LTBP1: variants seen among roughly 807,000 people sequenced by gnomAD.
LTBP1 encodes latent-transforming growth factor beta-binding protein 1.
Under a neutral mutation model 207.6 loss-of-function variants are expected in LTBP1, and 129 were observed. The ratio of observed to expected loss-of-function variants is 0.62; its 90% confidence interval spans 0.54 to 0.72. The LOEUF (loss-of-function observed/expected upper bound fraction) is 0.72. Among genes scored for constraint, LTBP1 ranks in the 30% least tolerant of loss-of-function variants. LTBP1 has a pLI of 0.00. For synonymous variants in LTBP1, 963 were observed against 833.7 expected (o/e 1.16, Z -2.67); for missense variants, 2,281 against 2,217.2 (o/e 1.03, Z -0.58).
intron 4 of LTBP1, among the ~76,000 whole-genome samples, chr2:33,128,702 A>G (rs2081588275): frequency 1.3e-5 from 2 of 152,230 alleles, no homozygotes; most frequent in Admixed American, 6.5e-5. Flanking sequence ...TGAACCCTCA[A>G]CAAGTATGGC....
chr2:33,264,663 A>G (rs1278592628), intron 15 of LTBP1, among the ~76,000 whole-genome samples: 1 of 152,242 alleles, frequency 6.6e-6, no homozygotes, highest in Non-Finnish European at 1.5e-5. Flanking sequence ...AAAGAAAGGC[A>G]AACTAACCTA....
At chr2:33,128,074 G>A (rs551397639) in intron 4 of LTBP1, among the ~76,000 whole-genome samples, 2 of 152,226 alleles carry the variant, frequency 1.3e-5, no homozygotes, top group South Asian at 2.1e-4. Context: ...TGGGACCCTC[G>A]AGAGGAATGG....
chr2:33,018,223 T>TA (rs201226617), intron 2 of LTBP1, among the ~76,000 whole-genome samples: 2 of 150,042 alleles, frequency 1.3e-5, no homozygotes, highest in South Asian at 4.3e-4. Context: ...TTTGAAGAGT[T>TA]AAAAAAAAAT....
rs533315717 is a variant in LTBP1, at chr2:33,122,444, G to A, written c.1033+11693G>A. On this transcript the variant is annotated intron_variant, in intron 4 of 33. Transcript: ENST00000404816. ...TTCTGGCCACAGTGGACTGGAAAGC[G>A]GGTGGGCAGTTGACTCAAAACCAAT... 3.9e-5 allele frequency among the ~76,000 whole-genome samples: 6 copies of A among 152,304 alleles called. No individual in the cohort carries two copies. The South Asian group carries it at 8.3e-4, about 21-fold the overall frequency.
At chr2:33,254,852 G>GTTTTTTTTTTTTTTTTTTTTTTTTTT (rs70938393) in intron 11 of LTBP1, among the ~76,000 whole-genome samples, 1 of 10,364 alleles carries the variant, frequency 9.6e-5, no homozygotes, top group Non-Finnish European at 1.5e-4. Flanking sequence ...GCGGTGTTTG[G>GTTTTTTTTTTTTTTTTTTTTTTTTTT]TTTTTTTTTT....
chr2:32,994,706 A>T (rs560528314), intron 2 of LTBP1, among the ~76,000 whole-genome samples: 1 of 152,052 alleles, frequency 6.6e-6, no homozygotes, highest in African/African-American at 2.4e-5. Flanking sequence ...ACCTCAGATG[A>T]TCCACCCACC....
Position 33,136,318 on chromosome 2 carries a change from C to A in LTBP1, c.1201+1358C>A, listed in dbSNP as rs542306737. ...GATGATCAGGAAACTGGATTCTGGTCCCGGTCCTGCCACTAACTAGCTAAT... is the reference window on the plus strand; with the variant it reads ...GATGATCAGGAAACTGGATTCTGGTACCGGTCCTGCCACTAACTAGCTAAT... On this transcript the variant is annotated intron_variant, in intron 5 of 33. Coordinates refer to ENST00000404816, the MANE Select transcript of LTBP1 (RefSeq NM_206943.4). Among the ~76,000 whole-genome samples the A allele has an allele frequency of 7.2e-5, 11 of 152,296 alleles. No individual in the cohort carries two copies. The South Asian group carries it at 1.0e-3, about 14-fold the overall frequency.
chr2:32,961,819 G>A (rs539365561), intron 2 of LTBP1, among the ~76,000 whole-genome samples: 19 of 152,088 alleles, frequency 1.2e-4, no homozygotes, highest in Non-Finnish European at 2.1e-4. Context: ...GGTGGTGGGC[G>A]CCGGTAATCC....
intron 5 of LTBP1, among the ~76,000 whole-genome samples, chr2:33,146,055 C>A (rs576878286): frequency 2.2e-4 from 33 of 152,292 alleles, no homozygotes; most frequent in African/African-American, 7.5e-4. Flanking sequence ...TGAAGGATCT[C>A]ATTTAAGGAA....
chr2:33,334,540 A>G (rs542733340), intron 24 of LTBP1, among the ~76,000 whole-genome samples: 8 of 152,322 alleles, frequency 5.3e-5, no homozygotes, highest in Middle Eastern at 3.4e-3. Context: ...AGATACAACC[A>G]AAAGATAAAA....
chr2:32,981,402 T>G (rs1332585207), intron 2 of LTBP1, among the ~76,000 whole-genome samples: 1 of 152,228 alleles, frequency 6.6e-6, no homozygotes, highest in African/African-American at 2.4e-5. Flanking sequence ...TGTATTTGCC[T>G]GTCTGTTTGT....
intron 3 of LTBP1, among the ~76,000 whole-genome samples, chr2:33,031,321 C>T (rs370071404): frequency 1.3e-5 from 2 of 152,136 alleles, no homozygotes; most frequent in Non-Finnish European, 2.9e-5. Flanking sequence ...TAACTGGTTG[C>T]GTTATCTCTG....
rs193253894 is a variant in LTBP1, at chr2:33,264,709, A to T, written c.2617+1317A>T. On this transcript the variant is annotated intron_variant, in intron 15 of 33. Transcript: ENST00000404816. ...TTATTCCTATCAAATTAGTATGTAA[A>T]ACCCAATCAAATTTTTTTATTAGGG... 1.7e-3 allele frequency among the ~76,000 whole-genome samples: 262 copies of T among 152,288 alleles called. 2 individuals carry two copies. Among genetic ancestry groups the T allele is most frequent in the Admixed American group, 0.015 (235 of 15,296 alleles).
At chr2:32,959,621 A>ATATATATATATATTTTTTTTT (rs1475834284) in intron 2 of LTBP1, among the ~76,000 whole-genome samples, 2 of 36,668 alleles carry the variant, frequency 5.5e-5, no homozygotes, top group Non-Finnish European at 9.9e-5. Context: ...ATATATATAT[A>ATATATATATATATTTTTTTTT]TTTTTTTTTT....
chr2:33,109,922 C>T (rs2080292561), intron 3 of LTBP1, among the ~76,000 whole-genome samples: 1 of 152,178 alleles, frequency 6.6e-6, no homozygotes, highest in Non-Finnish European at 1.5e-5. Flanking sequence ...GTTAGAAGGT[C>T]CCACTGTATC....
chr2:33,002,720 C>T (rs972246613), intron 2 of LTBP1, among the ~76,000 whole-genome samples: 2 of 152,038 alleles, frequency 1.3e-5, no homozygotes, highest in Non-Finnish European at 2.9e-5. Context: ...CCCTGTCGCC[C>T]AGGCTGGAGT....
intron 18 of LTBP1, among the ~76,000 whole-genome samples, chr2:33,276,721 C>A (rs1233068828): frequency 6.6e-6 from 1 of 152,160 alleles, no homozygotes; most frequent in African/African-American, 2.4e-5. Context: ...TGTGGTGGCA[C>A]ACGCCTGTAA....
At chr2:33,308,248 G>A (rs577983976) in intron 22 of LTBP1, among the ~76,000 whole-genome samples, 7 of 152,298 alleles carry the variant, frequency 4.6e-5, no homozygotes, top group South Asian at 4.1e-4. Flanking sequence ...GCATTCATGC[G>A]GTGAAGGGGA....
Position 33,275,861 on chromosome 2 carries a change from G to C in LTBP1, c.2930G>C (p.Gly977Ala), listed in dbSNP as rs79998390. The C allele has an allele frequency of 1.4e-5, 23 of 1,612,924 alleles. No homozygotes were observed. The African/African-American group carries it at 2.7e-4, about 19-fold the overall frequency. The change falls in exon 18 of 34, where the codon GGG (glycine) becomes GCG (alanine). Residue 977 changes from glycine to alanine, a missense_variant. By Grantham distance (60) the Gly-to-Ala change is moderately conservative. Around this residue, in one of 3 missense-constraint regions of LTBP1, gnomAD observed 1,671 missense variants for 1,634.8 expected, o/e 1.02. Coordinates refer to ENST00000404816, the MANE Select transcript of LTBP1 (RefSeq NM_206943.4). ...CGEGHCVNTV[G>A]AFRCEYCDSG... ...GAGGGGCACTGTGTCAATACTGTGG[G>C]GGCCTTCCGGTGTGAATACTGTGAC... is the stretch of plus-strand genomic sequence containing the variant.
Sources: gnomAD v4.1 joint callset for allele counts (sites outside exome capture counted in the v4.1 genomes callset) on GRCh38, gnomAD v4.1.1 for gene constraint, gnomAD v4.1.1 regional missense constraint, MANE v1.5 for transcripts, NCBI Gene and HGNC (gene_info 2026-07-23, HGNC 2026-07-21) for gene names.